The following RBFOX1 variants were observed in gnomAD, a reference collection of about 807,000 sequenced individuals.
RBFOX1 encodes RNA binding protein fox-1 homolog 1.
A neutral mutation model predicts 57.7 loss-of-function variants in RBFOX1; 8 were observed. The observed-to-expected ratio is 0.14, with a 90% CI of 0.08 to 0.25. The LOEUF (loss-of-function observed/expected upper bound fraction) is 0.25, where lower values mean the gene tolerates loss of function less well. Among genes scored for constraint, RBFOX1 ranks in the 10% least tolerant of loss-of-function variants. The probability of loss-of-function intolerance (pLI) is 1.00; values close to 1 mark genes in which losing one functional copy is unlikely to be tolerated. For missense variants in RBFOX1, 611 were observed against 548.5 expected (o/e 1.11, Z -1.14); for synonymous variants, 326 against 222.4 (o/e 1.47, Z -4.15).
intron 4 of RBFOX1, among the ~76,000 whole-genome samples, chr16:7,077,013 T>A (rs970920407): frequency 5.3e-5 from 8 of 152,178 alleles, no homozygotes; most frequent in Non-Finnish European, 8.8e-5. Context: ...GGCAAAGACA[T>A]CCATCTGATT....
intron 1 of RBFOX1, among the ~76,000 whole-genome samples, chr16:6,182,092 G>A (rs2097067900): frequency 6.6e-6 from 1 of 152,152 alleles, no homozygotes; most frequent in Admixed American, 6.5e-5. Flanking sequence ...AAATACAAAA[G>A]CAAACATTTG....
At chr16:7,318,347 G>A (rs1052104862) in intron 4 of RBFOX1, among the ~76,000 whole-genome samples, 6 of 151,614 alleles carry the variant, frequency 4.0e-5, no homozygotes, top group African/African-American at 1.5e-4. Context: ...TGCTGATGGT[G>A]GTAGTTGCAG....
chr16:5,686,479 T>A (rs1195546363), intron 3 of RBFOX1, among the ~76,000 whole-genome samples: 1 of 152,176 alleles, frequency 6.6e-6, no homozygotes, highest in Non-Finnish European at 1.5e-5. Flanking sequence ...GGTAGCTGTT[T>A]CCTGTGCCTC....
chr16:6,598,719 A>G (rs1216939909), intron 2 of RBFOX1, among the ~76,000 whole-genome samples: 1 of 152,162 alleles, frequency 6.6e-6, no homozygotes, highest in African/African-American at 2.4e-5. Flanking sequence ...TGGCTGAGGC[A>G]GGCAGATCAC....
At chr16:6,976,652 TATATATATATG>T (rs1217419111) in intron 3 of RBFOX1, among the ~76,000 whole-genome samples, 1 of 149,882 alleles carries the variant, frequency 6.7e-6, no homozygotes, top group Non-Finnish European at 1.5e-5. Flanking sequence ...GTACAATGTT[TATATATATATG>T]ATATATATAT....
intron 2 of RBFOX1, among the ~76,000 whole-genome samples, chr16:5,471,829 G>A (rs1428810106): frequency 5.3e-5 from 8 of 152,178 alleles, no homozygotes; most frequent in African/African-American, 1.4e-4. Context: ...AGGTCCTGGC[G>A]AGATGTGGCT....
At position 6,105,685 on chromosome 16, in the gene RBFOX1, A is replaced by AAT. The variant is rs1002953834; in HGVS notation, c.-127+85709_-127+85710dup. Among the ~76,000 whole-genome samples the AAT allele has an allele frequency of 2.0e-3, 287 of 142,966 alleles. 1 individual carries two copies. The highest frequency in any genetic ancestry group is 0.011 in the Admixed American group (163 of 14,756). The allele number at this position is 142,966 out of a possible 152,430, so 93.8% of individuals were successfully genotyped here. On this transcript the variant is annotated intron_variant, in intron 1 of 15. Coordinates refer to ENST00000550418, the MANE Select transcript of RBFOX1 (RefSeq NM_018723.4). ...AGAAAAACTTGGAAAGTAGAAAAAA[A>AAT]ATATATATATATATATAAATTAATT...
Position 5,791,930 on chromosome 16 carries a change from C to T in RBFOX1, c.319-75373C>T, listed in dbSNP as rs550084180. On this transcript the variant is annotated intron_variant, in intron 3 of 19. Transcript: ENST00000641259. Reference sequence around the variant, plus strand: ...CCAGCAAGATGACTGAGGCCACCCTCCAGACTTCTTGGCGTTGCCTCTGGG... The same window carrying T: ...CCAGCAAGATGACTGAGGCCACCCTTCAGACTTCTTGGCGTTGCCTCTGGG... 3.9e-5 allele frequency among the ~76,000 whole-genome samples: 6 copies of T among 152,274 alleles called. No homozygotes were observed. The South Asian group carries it at 1.2e-3, about 32-fold the overall frequency.
intron 3 of RBFOX1, among the ~76,000 whole-genome samples, chr16:7,018,725 C>CTGTATATGTT (rs2094043553): frequency 6.6e-6 from 1 of 151,722 alleles, no homozygotes; most frequent in Non-Finnish European, 1.5e-5. Context: ...ACCAACATGG[C>CTGTATATGTT]ACCTGTATAC....
intron 3 of RBFOX1, among the ~76,000 whole-genome samples, chr16:5,864,233 C>T (rs2057293393): frequency 6.6e-6 from 1 of 152,184 alleles, no homozygotes; most frequent in Non-Finnish European, 1.5e-5. Flanking sequence ...AGTCCATGAT[C>T]ACAACACTAT....
rs547001170 is a variant in RBFOX1, at chr16:6,527,329, T to A, written c.-63-127274T>A. Among the ~76,000 whole-genome samples, 5 of 152,014 alleles carry A rather than the reference T, an allele frequency of 3.3e-5. No homozygotes were observed. In the East Asian group the frequency reaches 9.7e-4, roughly 29 times the overall value. The stretch of plus-strand genomic sequence containing the variant: ...AGGTATATACTAAGAGGGGTGTGTA[T>A]GTGTGTGTATGTGTGTGTATCCTCT... On this transcript the variant is annotated intron_variant, in intron 2 of 15. Coordinates refer to ENST00000550418, the MANE Select transcript of RBFOX1 (RefSeq NM_018723.4).
rs1040656741 is a variant in RBFOX1 at position 6,631,936 on chromosome 16, G to A, written c.-63-22667G>A. Among the ~76,000 whole-genome samples, 41 of 152,200 alleles carry A rather than the reference G, an allele frequency of 2.7e-4. 2 individuals carry two copies. The highest frequency in any genetic ancestry group is 1.9e-3 in the Admixed American group (29 of 15,274). ...GGAAAAGGTAGGAGAGGTCAGTAGC[G>A]AAATGGGCAAAGAGCTATGTTGGGA... On this transcript the variant is annotated intron_variant, in intron 2 of 15. Transcript: ENST00000550418.
At chr16:7,179,749 G>C (rs1295195023) in intron 4 of RBFOX1, among the ~76,000 whole-genome samples, 1 of 150,852 alleles carries the variant, frequency 6.6e-6, no homozygotes, top group South Asian at 2.1e-4. Flanking sequence ...TTTTCTTTTT[G>C]TTTGAGATGG....
chr16:5,552,867 T>A (rs1417839362), intron 2 of RBFOX1, among the ~76,000 whole-genome samples: 1 of 152,006 alleles, frequency 6.6e-6, no homozygotes, highest in Non-Finnish European at 1.5e-5. Flanking sequence ...AAGGTCAGCA[T>A]GTTCCCATCT....
At chr16:5,643,450 C>T (rs887109899) in intron 3 of RBFOX1, among the ~76,000 whole-genome samples, 2 of 152,188 alleles carry the variant, frequency 1.3e-5, no homozygotes, top group African/African-American at 2.4e-5. Context: ...TTTCCTGATA[C>T]ATAAAGTAGA....
At chr16:6,830,987 G>A (rs115726553) in intron 3 of RBFOX1, among the ~76,000 whole-genome samples, 2,712 of 152,264 alleles carry the variant, frequency 0.018, 77 homozygotes, top group African/African-American at 0.062. Context: ...CTCCAAATGT[G>A]GATGCCATAG....
intron 3 of RBFOX1, among the ~76,000 whole-genome samples, chr16:5,710,437 G>A (rs1437004919): frequency 6.6e-6 from 1 of 152,186 alleles, no homozygotes; most frequent in African/African-American, 2.4e-5. Context: ...CCTCCAAGAG[G>A]AGGGGAAGAG....
intron 3 of RBFOX1, among the ~76,000 whole-genome samples, chr16:5,730,618 C>G (rs2151559695): frequency 6.6e-6 from 1 of 152,164 alleles, no homozygotes; most frequent in African/African-American, 2.4e-5. Flanking sequence ...CCGTTGTCAC[C>G]ACTGTCACCA....
intron 2 of RBFOX1, among the ~76,000 whole-genome samples, chr16:6,517,820 A>T (rs951468497): frequency 6.6e-6 from 1 of 152,154 alleles, no homozygotes; most frequent in East Asian, 1.9e-4. Flanking sequence ...TCGTTATTTT[A>T]TTTTCCAATT....
Sources: allele counts gnomAD v4.1 joint callset (sites outside exome capture counted in the v4.1 genomes callset), GRCh38; gene constraint gnomAD v4.1.1; transcripts MANE v1.5; gene names NCBI Gene and HGNC (gene_info 2026-07-23, HGNC 2026-07-21).